The following TNIK variants were observed in gnomAD, a reference collection of about 807,000 sequenced individuals.
The protein encoded by TNIK is TRAF2 and NCK interacting kinase.
TNIK carries 49 observed loss-of-function variants against 191.3 expected under a neutral mutation model. The ratio of observed to expected loss-of-function variants is 0.26; its 90% CI spans 0.20 to 0.32. TNIK has a LOEUF of 0.32. TNIK is among the 10% of genes least tolerant of loss of function. The pLI is 1.00. For synonymous variants in TNIK, 594 were observed against 600.9 expected (o/e 0.99, Z 0.17); for missense variants, 1,155 against 1,702.3 (o/e 0.68, Z 5.66).
chr3:171,426,169 T>C (rs921715662), intron 1 of TNIK, among the ~76,000 whole-genome samples: 2 of 151,852 alleles, frequency 1.3e-5, no homozygotes, highest in Non-Finnish European at 2.9e-5. Flanking sequence ...TGTCCAACAA[T>C]GATAGACTGG....
At chr3:171,307,108 C>A (rs1400448028) in intron 2 of TNIK, among the ~76,000 whole-genome samples, 1 of 152,164 alleles carries the variant, frequency 6.6e-6, no homozygotes, top group Non-Finnish European at 1.5e-5. Flanking sequence ...GCCCTAATAC[C>A]AAATCGTCCT....
intron 1 of TNIK, among the ~76,000 whole-genome samples, chr3:171,386,800 T>A (rs1295226907): frequency 5.3e-5 from 8 of 152,332 alleles, no homozygotes; most frequent in Non-Finnish European, 1.2e-4. Context: ...CAATTAGACA[T>A]CTCTATCAAA....
Position 171,376,502 on chromosome 3 carries a change from C to A in TNIK, c.58-6817G>T, listed in dbSNP as rs145368626. 3.9e-4 allele frequency among the ~76,000 whole-genome samples: 60 copies of A among 152,248 alleles called. 1 individual carries two copies. Among genetic ancestry groups the A allele is most frequent in the Non-Finnish European group, 6.2e-4 (42 of 68,022 alleles). On this transcript the variant is annotated intron_variant, in intron 1 of 32. Transcript: ENST00000436636. ...GAGGCAGTGGGGTACATGGCCCCTGCTTCATGGTGCTTCCAATCTAAGGAA... is the reference window on the plus strand; with the variant it reads ...GAGGCAGTGGGGTACATGGCCCCTGATTCATGGTGCTTCCAATCTAAGGAA...
intron 28 of TNIK, among the ~76,000 whole-genome samples, chr3:171,073,213 T>G (rs1719431235): frequency 6.6e-6 from 1 of 151,998 alleles, no homozygotes; most frequent in African/African-American, 2.4e-5. Flanking sequence ...TACAGATCAA[T>G]GGAACAGAAT....
intron 1 of TNIK, among the ~76,000 whole-genome samples, chr3:171,375,240 C>G (rs1296478099): frequency 6.6e-6 from 1 of 152,296 alleles, no homozygotes; most frequent in South Asian, 2.1e-4. Context: ...TTTCTTCCTC[C>G]CTTTTCTTTT....
chr3:171,307,461 CATTT>C, intron 2 of TNIK, among the ~76,000 whole-genome samples: 1 of 152,188 alleles, frequency 6.6e-6, no homozygotes, highest in East Asian at 1.9e-4. Context: ...TCTCTTCATT[CATTT>C]GACTCAGAAG....
chr3:171,434,963 T>A (rs929134262), intron 1 of TNIK, among the ~76,000 whole-genome samples: 3 of 152,084 alleles, frequency 2.0e-5, no homozygotes, highest in Non-Finnish European at 4.4e-5. Context: ...GCTTAAACAA[T>A]GTGGAAATTG....
At chr3:171,190,510 T>C (rs1311984445) in intron 6 of TNIK, among the ~76,000 whole-genome samples, 187 bp downstream of exon 6, 1 of 152,216 alleles carries the variant, frequency 6.6e-6, no homozygotes, top group Non-Finnish European at 1.5e-5. Flanking sequence ...CCACATTATA[T>C]ATAATTCATT....
At chr3:171,430,116 C>A (rs1224225589) in intron 1 of TNIK, among the ~76,000 whole-genome samples, 4 of 152,072 alleles carry the variant, frequency 2.6e-5, no homozygotes, top group African/African-American at 9.7e-5. Context: ...ACATGAAATA[C>A]CGCCTTACGT....
chr3:171,090,063 A>G (rs996820906), intron 23 of TNIK, among the ~76,000 whole-genome samples: 1 of 152,240 alleles, frequency 6.6e-6, no homozygotes, highest in Non-Finnish European at 1.5e-5. Flanking sequence ...GACATGGATC[A>G]GTTTCTGCTG....
At chr3:171,416,455 A>G (rs563112262) in intron 1 of TNIK, among the ~76,000 whole-genome samples, 1 of 152,156 alleles carries the variant, frequency 6.6e-6, no homozygotes, top group Non-Finnish European at 1.5e-5. Context: ...AGATTAAGAA[A>G]AAAAGACTCA....
intron 2 of TNIK, among the ~76,000 whole-genome samples, chr3:171,290,096 T>C (rs150022706): frequency 1.3e-5 from 2 of 152,128 alleles, no homozygotes; most frequent in East Asian, 3.9e-4. Context: ...AGGATAGAAG[T>C]AGAAGAGGAT....
intron 2 of TNIK, among the ~76,000 whole-genome samples, chr3:171,250,446 C>G (rs1208589852): frequency 6.6e-6 from 1 of 152,102 alleles, no homozygotes; most frequent in Non-Finnish European, 1.5e-5. Flanking sequence ...TAAATCATGC[C>G]CTTTAAAAAT....
intron 2 of TNIK, among the ~76,000 whole-genome samples, chr3:171,333,081 A>G (rs1756567413): frequency 6.6e-6 from 1 of 152,202 alleles, no homozygotes; most frequent in Non-Finnish European, 1.5e-5. Context: ...CTCTTAGGGA[A>G]GAGGCCCCAG....
intron 2 of TNIK, among the ~76,000 whole-genome samples, chr3:171,323,091 G>A (rs1162842059): frequency 6.6e-6 from 1 of 152,068 alleles, no homozygotes; most frequent in African/African-American, 2.4e-5. Flanking sequence ...GTCTGTGGCA[G>A]CTTTTGTGCT....
At chr3:171,244,407 T>G (rs1216168499) in intron 2 of TNIK, among the ~76,000 whole-genome samples, 2 of 152,192 alleles carry the variant, frequency 1.3e-5, no homozygotes, top group African/African-American at 2.4e-5. Context: ...TGCTATACTA[T>G]TCTCAAGAGA....
chr3:171,116,603 A>G (rs1726736453), intron 18 of TNIK, among the ~76,000 whole-genome samples: 1 of 152,246 alleles, frequency 6.6e-6, no homozygotes, highest in South Asian at 2.1e-4. Context: ...TTGATGACAC[A>G]GCCAATGAGA....
chr3:171,265,042 A>C (rs1314995570), intron 2 of TNIK, among the ~76,000 whole-genome samples: 2 of 152,226 alleles, frequency 1.3e-5, no homozygotes, highest in African/African-American at 2.4e-5. Flanking sequence ...GTGGCATGGC[A>C]TGGCACACAA....
chr3:171,160,877 C>T (rs1297577363), intron 11 of TNIK, among the ~76,000 whole-genome samples: 1 of 152,192 alleles, frequency 6.6e-6, no homozygotes, highest in Admixed American at 6.5e-5. Flanking sequence ...ATGGGCTTCT[C>T]AAAGGTGTGA....
Sources: allele counts gnomAD v4.1 joint callset (sites outside exome capture counted in the v4.1 genomes callset), GRCh38; gene constraint gnomAD v4.1.1; transcripts MANE v1.5; gene names NCBI Gene and HGNC (gene_info 2026-07-23, HGNC 2026-07-21).